The following SEC23A variants were observed in gnomAD, a reference collection of about 807,000 sequenced individuals.
The protein encoded by SEC23A is protein transport protein Sec23A.
In SEC23A, 56 loss-of-function variants were observed where a neutral mutation model predicts 103.7. The ratio of observed to expected loss-of-function variants is 0.54; its 90% confidence interval spans 0.44 to 0.67. The LOEUF (loss-of-function observed/expected upper bound fraction) is 0.67. SEC23A is among the 30% of genes least tolerant of loss of function. The probability of loss-of-function intolerance (pLI) is 0.00; values close to 1 mark genes in which losing one functional copy is unlikely to be tolerated. For missense variants in SEC23A, 784 were observed against 936.4 expected (o/e 0.84, Z 2.12); for synonymous variants, 281 against 293.0 (o/e 0.96, Z 0.42).
chr14:39,046,831 A>T (rs1885855496), intron 15 of SEC23A, among the ~76,000 whole-genome samples: 1 of 152,192 alleles, frequency 6.6e-6, no homozygotes, highest in Non-Finnish European at 1.5e-5. Context: ...GCCAGAAAGT[A>T]TTCCCACTTG....
At chr14:39,055,410 ATTTT>A (rs11301994) in intron 13 of SEC23A, 114 bp from the exon 14 acceptor site, 11 of 816,636 alleles carry the variant, frequency 1.3e-5, no homozygotes, top group African/African-American at 1.8e-5. Context: ...AACTACTAGG[ATTTT>A]TTTTTTTTTT....
chr14:39,080,307 A>G (rs1040479659), intron 7 of SEC23A, among the ~76,000 whole-genome samples: 6 of 152,260 alleles, frequency 3.9e-5, no homozygotes, highest in South Asian at 2.1e-4. Flanking sequence ...AAGAGGCACT[A>G]AAGAAAAGAA....
chr14:39,098,010 A>AC (rs2139302375), intron 1 of SEC23A, among the ~76,000 whole-genome samples: 1 of 152,016 alleles, frequency 6.6e-6, no homozygotes, highest in African/African-American at 2.4e-5. Flanking sequence ...AATCGCTTGA[A>AC]CTGGGGGGGC....
At chr14:39,049,295 G>C (rs1040180910) in intron 14 of SEC23A, among the ~76,000 whole-genome samples, 5 of 152,006 alleles carry the variant, frequency 3.3e-5, no homozygotes, top group Non-Finnish European at 7.4e-5. Flanking sequence ...GGCCAACATG[G>C]TGAAACCGCA....
At chr14:39,081,494 CATT>C in intron 7 of SEC23A, among the ~76,000 whole-genome samples, 1 of 152,262 alleles carries the variant, frequency 6.6e-6, no homozygotes, top group Middle Eastern at 3.4e-3. Flanking sequence ...AACTTTTGAA[CATT>C]ATATTTTGTA....
intron 7 of SEC23A, among the ~76,000 whole-genome samples, chr14:39,077,310 G>A (rs142386872): frequency 0.081 from 12,138 of 149,068 alleles, 520 homozygotes; most frequent in African/African-American, 0.12. Context: ...TTCAGAGGCC[G>A]AAGCGGGTGG....
In SEC23A at chr14:39,093,231, G is replaced by C. The variant is rs942298286; in HGVS notation, c.235C>G (p.Arg79Gly). ...AAGTTGCAAGCCCAAAGTTTTGCTC[G>C]ATAATCCACTTGACTGTTTTAAAAA... ...VLNPLCQVDYRAKLWACNFCY... is the reference protein window; with the variant it reads ...VLNPLCQVDYGAKLWACNFCY... Residue 79 changes from arginine (R) to glycine (G), a missense_variant, in exon 3 of 20, where the codon CGA (arginine) becomes GGA (glycine). Physicochemically the swap from Arg to Gly is moderately radical, Grantham distance 125 (BLOSUM62 -2). Around this residue, in one of 2 missense-constraint regions of SEC23A, gnomAD observed 683 missense variants for 774.2 expected, o/e 0.88. Coordinates refer to ENST00000307712, the MANE Select transcript of SEC23A (RefSeq NM_006364.4). The C allele has an allele frequency of 2.5e-6, 4 of 1,611,178 alleles. No individual in the cohort carries two copies. Among genetic ancestry groups the C allele is most frequent in the Non-Finnish European group, 3.4e-6 (4 of 1,179,364 alleles).
At chr14:39,087,208 A>T (rs1887474915) in intron 5 of SEC23A, among the ~76,000 whole-genome samples, 200 bp from the exon 6 acceptor site, 2 of 152,240 alleles carry the variant, frequency 1.3e-5, no homozygotes, top group African/African-American at 2.4e-5. Context: ...CATGAGAGAG[A>T]AAAGCACAAG....
intron 14 of SEC23A, among the ~76,000 whole-genome samples, chr14:39,050,889 A>G (rs1304847446): frequency 6.6e-6 from 1 of 152,228 alleles, no homozygotes; most frequent in African/African-American, 2.4e-5. Flanking sequence ...GACTGAGAAT[A>G]GAGGCAGTAA....
chr14:39,095,359 C>T (rs1887850111), intron 2 of SEC23A, among the ~76,000 whole-genome samples: 1 of 151,548 alleles, frequency 6.6e-6, no homozygotes, highest in Non-Finnish European at 1.5e-5. Flanking sequence ...TACAGAGGCA[C>T]GATCTCAGCT....
In SEC23A at chr14:39,064,920, G is replaced by A; in HGVS notation, c.1301C>T (p.Ser434Phe). ...AGAATAAACACAACTTACATTTTCA[G>A]ACACACAGGGTCCTTTAGAATTGAG... is the stretch of plus-strand genomic sequence containing the variant. ...VSLNSKGPCV[S>F]ENEIGTGGTC... Residue 434 changes from serine (S) to phenylalanine (F), a missense_variant, in exon 11 of 20, where the codon TCT becomes TTT. Transcript: ENST00000307712. 6.2e-7 allele frequency: 1 copy of A among 1,608,488 alleles called. No homozygotes were observed. Among genetic ancestry groups the A allele is most frequent in the Non-Finnish European group, 8.5e-7 (1 of 1,174,968 alleles).
chr14:39,038,947 C>G, intron 19 of SEC23A, 84 bp downstream of exon 19: 3 of 1,196,542 alleles, frequency 2.5e-6, no homozygotes. Context: ...ACTAAATACA[C>G]AGGAAAAAAA....
chr14:39,056,476 CTTT>C (rs532329340), intron 13 of SEC23A, among the ~76,000 whole-genome samples: 2 of 142,908 alleles, frequency 1.4e-5, no homozygotes, highest in Non-Finnish European at 1.5e-5. Flanking sequence ...GACAAATTAG[CTTT>C]TTTTTTTTTT....
chr14:39,055,139 T>C lies in SEC23A; in HGVS notation c.1659+4A>G. The C allele has an allele frequency of 6.2e-7, 1 of 1,614,170 alleles. No individual in the cohort carries two copies. The highest frequency in any genetic ancestry group is 8.5e-7 in the Non-Finnish European group (1 of 1,179,998). ...TTTAGAAAAGCACAGTGTTTATTTC[T>C]TACCAGTCGAATGAGCTGTCTGTCC... is the stretch of plus-strand genomic sequence containing the variant. On this transcript the variant is annotated splice_donor_region_variant and intron_variant, in intron 14 of 19. Coordinates refer to ENST00000307712, the MANE Select transcript of SEC23A (RefSeq NM_006364.4).
intron 2 of SEC23A, chr14:39,094,750 T>C (rs1173381540): frequency 4.5e-6 from 2 of 445,948 alleles, no homozygotes; most frequent in Admixed American, 4.0e-5. Context: ...ACAGCTACTA[T>C]ACCATTGTCA....
rs778767571 is a variant in SEC23A at position 39,033,368 on chromosome 14, G to A, written c.2209-40C>T. The A allele has an allele frequency of 1.3e-5, 17 of 1,289,298 alleles. No homozygotes were observed. In the African/African-American group the frequency reaches 1.3e-4, roughly 10 times the overall value. The allele number at this position is 1,289,298 out of a possible 1,614,324, so 79.9% of individuals were successfully genotyped here. A position where few individuals can be genotyped will look rare whatever the true frequency, so the allele number is the denominator to read the frequency against. On this transcript the variant is annotated intron_variant, in intron 19 of 19. Transcript: ENST00000307712. ...ATATTTGTTATGATTAAAGCATAGGGTGATATCATGGAATTTATACACAAA... is the reference window on the plus strand; with the variant it reads ...ATATTTGTTATGATTAAAGCATAGGATGATATCATGGAATTTATACACAAA...
At chr14:39,041,164 A>T in intron 17 of SEC23A, 1 of 276,776 alleles carries the variant, frequency 3.6e-6, no homozygotes. Context: ...TGTTAGCTAA[A>T]AGCTATCTAC....
intron 11 of SEC23A, 161 bp downstream of exon 11, chr14:39,064,752 G>C (rs896389210): frequency 1.1e-5 from 7 of 658,838 alleles, no homozygotes; most frequent in African/African-American, 7.3e-5. Context: ...TTTTTGGGGG[G>C]ATAACAGGAG....
At chr14:39,098,487 AT>A (rs1303100099) in intron 1 of SEC23A, among the ~76,000 whole-genome samples, 2 of 152,252 alleles carry the variant, frequency 1.3e-5, no homozygotes, top group African/African-American at 4.8e-5. Context: ...AATAAAAAAA[AT>A]TTTAAGGCCA....
Sources: gnomAD v4.1 joint callset for allele counts (sites outside exome capture counted in the v4.1 genomes callset) on GRCh38, gnomAD v4.1.1 for gene constraint, gnomAD v4.1.1 regional missense constraint, MANE v1.5 for transcripts, NCBI Gene and HGNC (gene_info 2026-07-23, HGNC 2026-07-21) for gene names.